The following TMEM135 variants were observed in gnomAD, a reference collection of about 807,000 sequenced individuals.
TMEM135 encodes the protein transmembrane protein 135, also known as peroxisomal membrane protein 52.
TMEM135 carries 30 observed loss-of-function variants against 60.3 expected under a neutral mutation model. That is an observed-to-expected ratio of 0.50 (90% CI 0.37 to 0.68). The LOEUF (loss-of-function observed/expected upper bound fraction) is 0.68. Among genes scored for constraint, TMEM135 ranks in the 30% least tolerant of loss-of-function variants. TMEM135 has a pLI of 0.00. For synonymous variants in TMEM135, 190 were observed against 186.7 expected, an observed-to-expected ratio of 1.02 and a Z score of -0.14; for missense variants, 468 against 548.8, an observed-to-expected ratio of 0.85 and a Z score of 1.47.
At chr11:87,235,372 A>C (rs1314460161) in intron 5 of TMEM135, among the ~76,000 whole-genome samples, 1 of 151,756 alleles carries the variant, frequency 6.6e-6, no homozygotes, top group African/African-American at 2.4e-5. Context: ...AAATATATAT[A>C]ATATTTACTT....
At chr11:87,125,817 A>G (rs1937709986) in intron 4 of TMEM135, among the ~76,000 whole-genome samples, 1 of 152,214 alleles carries the variant, frequency 6.6e-6, no homozygotes, top group Non-Finnish European at 1.5e-5. Flanking sequence ...ATCAAATTAT[A>G]AGAGCTCTAG....
At chr11:87,159,408 TTGTC>T in intron 5 of TMEM135, among the ~76,000 whole-genome samples, 1 of 152,292 alleles carries the variant, frequency 6.6e-6, no homozygotes, top group East Asian at 1.9e-4. Flanking sequence ...CTCAGGAAAT[TTGTC>T]TGTGGTATGT....
rs368037567 is a variant in TMEM135, at chr11:87,038,115, C to T, written c.70C>T (p.Arg24Trp). The T allele has an allele frequency of 3.1e-6, 5 of 1,614,042 alleles. No individual in the cohort carries two copies. The highest frequency in any genetic ancestry group is 2.7e-5 in the African/African-American group (2 of 74,930). ...CGGCCACACTTGGCACCCTTCCTGC[C>T]GGGTCTCCTTCCTGCAGATCACCGG... Reference protein sequence around the residue: ...EIGHTWHPSCRVSFLQITGGA... With the variant: ...EIGHTWHPSCWVSFLQITGGA... Residue 24 changes from arginine (R) to tryptophan (W), a missense_variant, in exon 1 of 15, where the codon CGG becomes TGG. Transcript: ENST00000305494.
chr11:87,276,638 A>G lies in TMEM135; in HGVS notation c.510-19144A>G, dbSNP rs538612796. Among the ~76,000 whole-genome samples the G allele has an allele frequency of 2.8e-4, 43 of 150,976 alleles. No homozygotes were observed. The South Asian group carries it at 8.7e-3, about 31-fold the overall frequency. On this transcript the variant is annotated intron_variant, in intron 6 of 14. Coordinates refer to ENST00000305494, the MANE Select transcript of TMEM135 (RefSeq NM_022918.4). Reference sequence around the variant, plus strand: ...ATAGAATTTTATATTCATAAGTTATACAAAACTTCTTTTAGTGTGTTTGTG... The same window carrying G: ...ATAGAATTTTATATTCATAAGTTATGCAAAACTTCTTTTAGTGTGTTTGTG...
At chr11:87,287,592 G>A (rs925027193) in intron 6 of TMEM135, among the ~76,000 whole-genome samples, 1 of 152,182 alleles carries the variant, frequency 6.6e-6, no homozygotes, top group Non-Finnish European at 1.5e-5. Flanking sequence ...CAGGAGAATC[G>A]CTTGAACCCA....
At chr11:87,124,507 C>A (rs1937666406) in intron 4 of TMEM135, among the ~76,000 whole-genome samples, 1 of 152,090 alleles carries the variant, frequency 6.6e-6, no homozygotes, top group Admixed American at 6.6e-5. Flanking sequence ...ACCTGTGTAG[C>A]ATTCTTCCTG....
chr11:87,180,135 GT>G (rs1351629286), intron 5 of TMEM135, among the ~76,000 whole-genome samples: 19 of 152,010 alleles, frequency 1.2e-4, no homozygotes, highest in Non-Finnish European at 2.5e-4. Context: ...TTTTCTTTGT[GT>G]TTTGTATTCT....
chr11:87,222,518 A>C (rs1264440296), intron 5 of TMEM135, among the ~76,000 whole-genome samples: 17 of 124,276 alleles, frequency 1.4e-4, no homozygotes, highest in Non-Finnish European at 1.9e-4. Context: ...AAAAATAATT[A>C]CTGGGCCGAG....
intron 1 of TMEM135, among the ~76,000 whole-genome samples, chr11:87,053,469 GTACT>G (rs1376707311): frequency 3.3e-5 from 5 of 152,138 alleles, no homozygotes; most frequent in African/African-American, 7.2e-5. Flanking sequence ...TAGTTATTGA[GTACT>G]TACTTAGGTG....
At chr11:87,084,790 C>T (rs1857061879) in intron 3 of TMEM135, among the ~76,000 whole-genome samples, 1 of 152,192 alleles carries the variant, frequency 6.6e-6, no homozygotes, top group African/African-American at 2.4e-5. Flanking sequence ...GCCTTCTAAT[C>T]TAGTGACTCT....
rs144074527 is a variant in TMEM135 at position 87,113,608 on chromosome 11, G to C, written c.396+22213G>C. Among the ~76,000 whole-genome samples, 266 of 152,138 alleles carry C rather than the reference G, an allele frequency of 1.7e-3. 1 individual carries two copies. The highest frequency in any genetic ancestry group is 6.2e-3 in the African/African-American group (259 of 41,538). Reference sequence around the variant, plus strand: ...CAAAAAGAGAAAGCATGGAAGAGTGGAAAGAAAACTGATTCTATAACAGAC... The same window carrying C: ...CAAAAAGAGAAAGCATGGAAGAGTGCAAAGAAAACTGATTCTATAACAGAC... On this transcript the variant is annotated intron_variant, in intron 4 of 14. Coordinates refer to ENST00000305494, the MANE Select transcript of TMEM135 (RefSeq NM_022918.4).
rs1164690931 is a variant in TMEM135, at chr11:87,080,138, C to T, written c.362+8523C>T. ...TACAGGCATGAGCCACCAGGCCTGG[C>T]TGAGCTTTCTTCTTTTGCCTGTTTG... On this transcript the variant is annotated intron_variant, in intron 3 of 14. Coordinates refer to ENST00000305494, the MANE Select transcript of TMEM135 (RefSeq NM_022918.4). Among the ~76,000 whole-genome samples, 8 of 148,922 alleles carry T rather than the reference C, an allele frequency of 5.4e-5. No individual in the cohort carries two copies. The East Asian group carries it at 1.6e-3, about 30-fold the overall frequency.
chr11:87,196,507 G>C (rs1351022769), intron 5 of TMEM135, among the ~76,000 whole-genome samples: 2 of 152,088 alleles, frequency 1.3e-5, no homozygotes, highest in East Asian at 1.9e-4. Flanking sequence ...CCTAAAAATT[G>C]TTGTCATTTT....
chr11:87,313,735 C>T (rs1942680649), intron 11 of TMEM135, among the ~76,000 whole-genome samples: 1 of 151,502 alleles, frequency 6.6e-6, no homozygotes, highest in Non-Finnish European at 1.5e-5. Context: ...TAAATCCTAG[C>T]GAATGTGTCA....
chr11:87,167,309 C>A (rs1236656314), intron 5 of TMEM135, among the ~76,000 whole-genome samples: 4 of 152,132 alleles, frequency 2.6e-5, no homozygotes, highest in Non-Finnish European at 5.9e-5. Context: ...CTTTCTCTTG[C>A]CGGATTGCCC....
chr11:87,179,179 T>C (rs1939454938), intron 5 of TMEM135, among the ~76,000 whole-genome samples: 1 of 152,218 alleles, frequency 6.6e-6, no homozygotes, highest in African/African-American at 2.4e-5. Flanking sequence ...TTTTGTGAAA[T>C]GTCTATTAAA....
chr11:87,278,851 T>G (rs1431728296), intron 6 of TMEM135, among the ~76,000 whole-genome samples: 1 of 152,170 alleles, frequency 6.6e-6, no homozygotes, highest in African/African-American at 2.4e-5. Context: ...TCGGTTTCTA[T>G]CTCTCCTCTC....
chr11:87,084,828 T>C, intron 3 of TMEM135, among the ~76,000 whole-genome samples: 1 of 152,220 alleles, frequency 6.6e-6, no homozygotes, highest in Non-Finnish European at 1.5e-5. Flanking sequence ...AGGATATGGG[T>C]ATCAGAATCT....
At chr11:87,213,647 A>G (rs1940429039) in intron 5 of TMEM135, among the ~76,000 whole-genome samples, 1 of 152,080 alleles carries the variant, frequency 6.6e-6, no homozygotes, top group East Asian at 1.9e-4. Flanking sequence ...CTTCCATATT[A>G]GTAGGTAGTT....
Sources: gnomAD v4.1 joint callset for allele counts (sites outside exome capture counted in the v4.1 genomes callset) on GRCh38, gnomAD v4.1.1 for gene constraint, MANE v1.5 for transcripts, NCBI Gene and HGNC (gene_info 2026-07-23, HGNC 2026-07-21) for gene names.